RERE: variants seen among roughly 807,000 people sequenced by gnomAD.
RERE encodes the protein arginine-glutamic acid dipeptide repeats protein.
A neutral mutation model predicts 146.1 loss-of-function variants in RERE; 40 were observed. That is an observed-to-expected ratio of 0.27 (90% CI 0.21 to 0.36). RERE has a LOEUF of 0.36. Among genes scored for constraint, RERE ranks in the 10% least tolerant of loss-of-function variants. The pLI, the probability that RERE is intolerant of heterozygous loss-of-function variation, is 1.00. For synonymous variants in RERE, 1,003 were observed against 866.0 expected, an observed-to-expected ratio of 1.16 and a Z score of -2.78; for missense variants, 1,933 against 2,138.7, an observed-to-expected ratio of 0.90 and a Z score of 1.90.
Position 8,356,590 on chromosome 1 carries a change from G to C in RERE, c.4340-344C>G, listed in dbSNP as rs549782672. 2.6e-5 allele frequency among the ~76,000 whole-genome samples: 4 copies of C among 152,272 alleles called. No homozygotes were observed. Among genetic ancestry groups the C allele is most frequent in the Non-Finnish European group, 4.4e-5 (3 of 68,028 alleles). ...ACCTGGGCCTGCCCTCTGCCTGTCA[G>C]GTCACAGGAACACACAGCCTTGCGC... is the stretch of plus-strand genomic sequence containing the variant. On this transcript the variant is annotated intron_variant, in intron 20 of 22. Coordinates refer to ENST00000400908, the MANE Select transcript of RERE (RefSeq NM_001042681.2). This position sits in a 1 kb window ranked among gnomAD's most constrained non-coding sequence, Gnocchi z 5.2.
intron 7 of RERE, among the ~76,000 whole-genome samples, chr1:8,531,153 C>T (rs1320710177): frequency 6.6e-6 from 1 of 151,980 alleles, no homozygotes; most frequent in Admixed American, 6.6e-5. Context: ...TGCTGATTTA[C>T]CTATTAGCTT....
At chr1:8,451,807 C>T (rs1305300327) in intron 11 of RERE, among the ~76,000 whole-genome samples, 2 of 152,170 alleles carry the variant, frequency 1.3e-5, no homozygotes, top group African/African-American at 4.8e-5. Flanking sequence ...CTCCCGATGA[C>T]TCTAACGCAC....
chr1:8,524,830 G>A (rs1423129310), intron 7 of RERE, among the ~76,000 whole-genome samples: 1 of 152,162 alleles, frequency 6.6e-6, no homozygotes, highest in African/African-American at 2.4e-5. Context: ...CTGGGTAGAA[G>A]AAACTAGTGT....
At chr1:8,359,114 C>T (rs986996450) in intron 19 of RERE, among the ~76,000 whole-genome samples, 198 bp from the exon 20 acceptor site, 4 of 152,192 alleles carry the variant, frequency 2.6e-5, no homozygotes, top group South Asian at 2.1e-4. Flanking sequence ...CACCTGTGCC[C>T]GCAGCTCCCC....
At chr1:8,381,180 C>A (rs1192422406) in intron 12 of RERE, 2 of 363,302 alleles carry the variant, frequency 5.5e-6, no homozygotes, top group Admixed American at 3.5e-5. Context: ...CAGCTGTGAC[C>A]TTTTTGTGGC....
chr1:8,562,156 G>C (rs1282002724), intron 4 of RERE, among the ~76,000 whole-genome samples: 2 of 152,188 alleles, frequency 1.3e-5, no homozygotes, highest in African/African-American at 4.8e-5. Flanking sequence ...CAAAGATAGA[G>C]AGAAAAGAGG....
At chr1:8,409,259 A>G (rs1419992553) in intron 12 of RERE, among the ~76,000 whole-genome samples, 1 of 152,236 alleles carries the variant, frequency 6.6e-6, no homozygotes, top group East Asian at 1.9e-4. Context: ...CAATGGTTGT[A>G]AAGCTGAGCT....
intron 12 of RERE, among the ~76,000 whole-genome samples, chr1:8,409,558 G>C (rs1643556670): frequency 6.6e-6 from 1 of 152,168 alleles, no homozygotes; most frequent in Non-Finnish European, 1.5e-5. Context: ...AGGGCTCCTA[G>C]GCCAGTCTGT....
At chr1:8,397,562 T>G (rs950599205) in intron 12 of RERE, among the ~76,000 whole-genome samples, 3 of 149,146 alleles carry the variant, frequency 2.0e-5, no homozygotes, top group Non-Finnish European at 4.4e-5. Flanking sequence ...ACCAAACTCA[T>G]GTTGAGCAAA....
Position 8,628,816 on chromosome 1 carries a change from A to T in RERE, c.326-4436T>A, listed in dbSNP as rs1216880551. 1.3e-5 allele frequency among the ~76,000 whole-genome samples: 2 copies of T among 152,226 alleles called. 1 individual carries two copies. The highest frequency in any genetic ancestry group is 4.1e-4 in the South Asian group (2 of 4,830). ...CTTTTAAAGCCAAAATGATTTGGCA[A>T]GATTTTCATGCAATTTATGAGTGCA... On this transcript the variant is annotated intron_variant, in intron 2 of 22. Transcript: ENST00000400908.
At chr1:8,581,429 A>T (rs1646364757) in intron 4 of RERE, among the ~76,000 whole-genome samples, 1 of 152,248 alleles carries the variant, frequency 6.6e-6, no homozygotes, top group Non-Finnish European at 1.5e-5. Context: ...TACAGTCTGA[A>T]GCTGCCCTAT....
rs920954813 is a variant in RERE, at chr1:8,360,224, CCTT to C, written c.3280_3282del (p.Lys1094del). The C allele has an allele frequency of 6.3e-7, 1 of 1,588,736 alleles. No homozygotes were observed. Among genetic ancestry groups the C allele is most frequent in the Non-Finnish European group, 8.6e-7 (1 of 1,168,632 alleles). ...TCCTCAGCGTCGTCCAGAGCCTCCT[CCTT>C]GATCTGGACGGTGGGGAGTGGGCAG... On this transcript the variant is annotated inframe_deletion, in exon 18 of 23. Coordinates refer to ENST00000400908, the MANE Select transcript of RERE (RefSeq NM_001042681.2).
intron 11 of RERE, among the ~76,000 whole-genome samples, chr1:8,443,192 GT>G (rs1644272764): frequency 6.6e-6 from 1 of 152,190 alleles, no homozygotes; most frequent in South Asian, 2.1e-4. Flanking sequence ...GTTGGGCGTG[GT>G]GGCTCACGCC....
intron 12 of RERE, among the ~76,000 whole-genome samples, chr1:8,419,698 A>G (rs1276087764): frequency 6.6e-6 from 1 of 152,202 alleles, no homozygotes; most frequent in Non-Finnish European, 1.5e-5. Context: ...TCTCATTTAA[A>G]TTCTCAAAAT....
intron 7 of RERE, among the ~76,000 whole-genome samples, chr1:8,517,010 GTC>G (rs1196038587): frequency 6.6e-6 from 1 of 152,148 alleles, no homozygotes; most frequent in Non-Finnish European, 1.5e-5. Flanking sequence ...GGATAGCTCT[GTC>G]TCTTCATTGT....
At chr1:8,368,066 G>A (rs1244152231) in intron 12 of RERE, among the ~76,000 whole-genome samples, 1 of 152,194 alleles carries the variant, frequency 6.6e-6, no homozygotes, top group East Asian at 1.9e-4. Context: ...CTGGTGCTGT[G>A]ATAAGTCACA....
intron 3 of RERE, among the ~76,000 whole-genome samples, chr1:8,619,895 G>T (rs1424363955): frequency 6.6e-6 from 1 of 152,142 alleles, no homozygotes; most frequent in Non-Finnish European, 1.5e-5. Flanking sequence ...GCCACAAGTT[G>T]TCTGTCCACT....
chr1:8,546,923 G>A (rs1246445086), intron 6 of RERE, among the ~76,000 whole-genome samples: 1 of 151,360 alleles, frequency 6.6e-6, no homozygotes, highest in Non-Finnish European at 1.5e-5. Context: ...TACAAAATCT[G>A]TAACAAGGAA....
chr1:8,677,841 C>G (rs750170652), intron 1 of RERE, among the ~76,000 whole-genome samples: 1 of 152,200 alleles, frequency 6.6e-6, no homozygotes, highest in East Asian at 1.9e-4. Context: ...GCTCAATAAA[C>G]CTCAACACTG....
Sources: allele counts gnomAD v4.1 joint callset (sites outside exome capture counted in the v4.1 genomes callset), GRCh38; gene constraint gnomAD v4.1.1; non-coding constraint Gnocchi (gnomAD v3.1); transcripts MANE v1.5; gene names NCBI Gene and HGNC (gene_info 2026-07-23, HGNC 2026-07-21).